Variants in DNER observed in about 807,000 individuals in gnomAD.
DNER encodes the protein delta and Notch-like epidermal growth factor-related receptor.
In DNER, 33 loss-of-function variants were observed where a neutral mutation model predicts 78.2. The ratio of observed to expected loss-of-function variants is 0.42; its 90% CI spans 0.32 to 0.56. The LOEUF (loss-of-function observed/expected upper bound fraction) is 0.56, where lower values mean the gene tolerates loss of function less well. Ranked by LOEUF, DNER falls within the 20% of genes least tolerant of loss-of-function variation. The pLI, the probability that DNER is intolerant of heterozygous loss-of-function variation, is 0.11. For synonymous variants in DNER, 417 were observed against 384.8 expected (o/e 1.08, Z -0.98); for missense variants, 918 against 975.3 (o/e 0.94, Z 0.78).
intron 5 of DNER, among the ~76,000 whole-genome samples, chr2:229,517,912 CT>C (rs1398399715): frequency 6.6e-6 from 1 of 152,198 alleles, no homozygotes; most frequent in East Asian, 1.9e-4. Flanking sequence ...TGTAAGAACC[CT>C]GGCTTGGTGT....
intron 1 of DNER, among the ~76,000 whole-genome samples, chr2:229,612,698 G>A (rs900735509): frequency 1.2e-4 from 18 of 152,324 alleles, no homozygotes; most frequent in Middle Eastern, 3.4e-3. Flanking sequence ...CCCAGGTTTC[G>A]CTTTGACCAA....
chr2:229,668,173 C>T (rs1421067495), intron 1 of DNER, among the ~76,000 whole-genome samples: 1 of 152,034 alleles, frequency 6.6e-6, no homozygotes, highest in Non-Finnish European at 1.5e-5. Context: ...CAGTAGGATT[C>T]ACCTAGGGGA....
At chr2:229,628,514 G>A (rs1344305368) in intron 1 of DNER, among the ~76,000 whole-genome samples, 2 of 152,170 alleles carry the variant, frequency 1.3e-5, no homozygotes, top group African/African-American at 2.4e-5. Flanking sequence ...GATTTTGAAC[G>A]ACTGGGCCTT....
At chr2:229,645,713 G>A (rs961779896) in intron 1 of DNER, among the ~76,000 whole-genome samples, 2 of 152,130 alleles carry the variant, frequency 1.3e-5, no homozygotes, top group African/African-American at 4.8e-5. Context: ...TGATGGAACA[G>A]TTTTACTTTG....
At chr2:229,472,528 A>T (rs1694945083) in intron 7 of DNER, among the ~76,000 whole-genome samples, 1 of 152,214 alleles carries the variant, frequency 6.6e-6, no homozygotes, top group Non-Finnish European at 1.5e-5. Flanking sequence ...TTATACATGT[A>T]TCTAAATACA....
rs1219889570 is a variant in DNER, at chr2:229,668,522, GTGTGTGTGTGTGTGTATA to G, written c.276+45608_276+45625del. On this transcript the variant is annotated intron_variant, in intron 1 of 12. Transcript: ENST00000341772. The stretch of plus-strand genomic sequence containing the variant: ...TACCTATATATAGGTAAGTATGTGT[GTGTGTGTGTGTGTGTATA>G]TATATATATATATATATATATATAT... 3.6e-4 allele frequency among the ~76,000 whole-genome samples: 32 copies of G among 89,350 alleles called. 2 individuals are homozygous for G. The highest frequency in any genetic ancestry group is 4.7e-4 in the Non-Finnish European group (23 of 48,860). The allele number at this position is 89,350 out of a possible 152,430, so 58.6% of individuals were successfully genotyped here.
At chr2:229,711,917 A>G (rs1006716320) in intron 1 of DNER, among the ~76,000 whole-genome samples, 6 of 150,686 alleles carry the variant, frequency 4.0e-5, no homozygotes, top group Non-Finnish European at 7.4e-5. Flanking sequence ...TGCTGTTCCC[A>G]TGAAAAATGA....
chr2:229,391,255 C>T (rs926363810), intron 10 of DNER, among the ~76,000 whole-genome samples: 19 of 152,206 alleles, frequency 1.2e-4, no homozygotes, highest in African/African-American at 4.6e-4. Flanking sequence ...ACATTCCATT[C>T]TCAATCAATA....
At chr2:229,544,797 G>A (rs1696587894) in intron 5 of DNER, among the ~76,000 whole-genome samples, 1 of 152,144 alleles carries the variant, frequency 6.6e-6, no homozygotes. Flanking sequence ...GCCTCCCAAA[G>A]TGCTGGGATT....
In DNER at chr2:229,376,424, T is replaced by C. The variant is rs372122856; in HGVS notation, c.1856-9305A>G. The stretch of plus-strand genomic sequence containing the variant: ...TCTCAGACTTCTCAGCCTCCAGAAC[T>C]GTGAGCAATTACTTACTGTAAGGTA... On this transcript the variant is annotated intron_variant, in intron 11 of 12. Transcript: ENST00000341772. 3.9e-5 allele frequency among the ~76,000 whole-genome samples: 6 copies of C among 152,288 alleles called. 1 individual carries two copies.
intron 6 of DNER, among the ~76,000 whole-genome samples, chr2:229,490,199 A>G (rs906566042): frequency 1.3e-5 from 2 of 152,164 alleles, no homozygotes; most frequent in African/African-American, 4.8e-5. Context: ...AGGGACAGGG[A>G]ATATAGCAGA....
At chr2:229,546,720 A>G (rs1435277483) in intron 5 of DNER, among the ~76,000 whole-genome samples, 1 of 152,186 alleles carries the variant, frequency 6.6e-6, no homozygotes, top group Non-Finnish European at 1.5e-5. Flanking sequence ...TGGGCAACAG[A>G]GCGAGACCCC....
intron 6 of DNER, among the ~76,000 whole-genome samples, chr2:229,486,391 A>G (rs1035520676): frequency 6.6e-6 from 1 of 151,904 alleles, no homozygotes; most frequent in African/African-American, 2.4e-5. Flanking sequence ...CAGAAAGCTG[A>G]CATTCAGCAG....
At chr2:229,428,971 G>C (rs1176388419) in intron 8 of DNER, among the ~76,000 whole-genome samples, 1 of 152,144 alleles carries the variant, frequency 6.6e-6, no homozygotes, top group Non-Finnish European at 1.5e-5. Flanking sequence ...ATAAAATAGA[G>C]AGAAAGAAAA....
intron 6 of DNER, among the ~76,000 whole-genome samples, chr2:229,508,835 C>T (rs1289087539): frequency 3.3e-5 from 5 of 151,868 alleles, no homozygotes; most frequent in East Asian, 3.9e-4. Flanking sequence ...GAGCTGAGAT[C>T]GCACCACTGC....
At chr2:229,586,508 TAAAAAAAAAAAAAAAAAAAAAAA>T (rs555047737) in intron 3 of DNER, among the ~76,000 whole-genome samples, 3 of 13,490 alleles carry the variant, frequency 2.2e-4, no homozygotes, top group East Asian at 3.0e-3. Flanking sequence ...TCATTTTTGG[TAAAAAAAAAAAAAAAAAAAAAAA>T]AAAAAAAAAA....
intron 7 of DNER, among the ~76,000 whole-genome samples, chr2:229,460,238 A>T (rs1233006182): frequency 6.6e-6 from 1 of 151,616 alleles, no homozygotes; most frequent in African/African-American, 2.4e-5. Context: ...TTATAAAATC[A>T]GAACTCTTAA....
At chr2:229,572,154 C>T (rs574297575) in intron 4 of DNER, among the ~76,000 whole-genome samples, 2 of 152,300 alleles carry the variant, frequency 1.3e-5, no homozygotes, top group Admixed American at 6.5e-5. Flanking sequence ...TTGTTACTCA[C>T]ACCGTTCCCC....
chr2:229,463,727 C>T (rs966762244), intron 7 of DNER, among the ~76,000 whole-genome samples: 1 of 152,184 alleles, frequency 6.6e-6, no homozygotes, highest in African/African-American at 2.4e-5. Context: ...GGCATTGAGC[C>T]GCTGTGCCCA....
Sources: allele counts gnomAD v4.1 joint callset (sites outside exome capture counted in the v4.1 genomes callset), GRCh38; gene constraint gnomAD v4.1.1; transcripts MANE v1.5; gene names NCBI Gene and HGNC (gene_info 2026-07-23, HGNC 2026-07-21).